UBE2L6: variants seen among roughly 807,000 people sequenced by gnomAD.
The protein encoded by UBE2L6 is ubiquitin conjugating enzyme E2 L6, also known as ubiquitin/ISG15-conjugating enzyme E2 L6.
UBE2L6 carries 11 observed loss-of-function variants against 13.6 expected under a neutral mutation model. The ratio of observed to expected loss-of-function variants is 0.81; its 90% CI spans 0.51 to 1.34. The LOEUF is 1.34. UBE2L6 is among the 40% of genes most tolerant of loss of function. UBE2L6 has a pLI of 0.00. For missense variants in UBE2L6, 197 were observed against 199.5 expected (o/e 0.99, Z 0.07); for synonymous variants, 74 against 83.2 (o/e 0.89, Z 0.60).
intron 1 of UBE2L6, among the ~76,000 whole-genome samples, chr11:57,562,576 G>A (rs1031860374): frequency 5.3e-5 from 8 of 152,370 alleles, no homozygotes; most frequent in Non-Finnish European, 1.2e-4. Flanking sequence ...CAATTCTGGT[G>A]ACCATGGGGA....
intron 2 of UBE2L6, 65 bp from the exon 3 acceptor site, chr11:57,554,688 G>T: frequency 1.3e-6 from 2 of 1,573,804 alleles, no homozygotes; most frequent in South Asian, 1.1e-5. Flanking sequence ...CCAATCCGAG[G>T]GTCCTAGGCA....
At chr11:57,558,251 G>C (rs1945012243) in intron 2 of UBE2L6, among the ~76,000 whole-genome samples, 1 of 151,962 alleles carries the variant, frequency 6.6e-6, no homozygotes, top group South Asian at 2.1e-4. Context: ...GCTAATTTTT[G>C]TATTTTTACT....
rs571747081 is a variant in UBE2L6 at position 57,553,955 on chromosome 11, G to A, written c.310+482C>T. ...CACCTCTCACATGCCTCAGATGTCC[G>A]GGTCTACTAAACAACACTACCTCAC... is the stretch of plus-strand genomic sequence containing the variant. On this transcript the variant is annotated intron_variant, in intron 3 of 3. Transcript: ENST00000287156. Among the ~76,000 whole-genome samples, 5 of 152,298 alleles carry A rather than the reference G, an allele frequency of 3.3e-5. No homozygotes were observed. In the South Asian group the frequency reaches 6.2e-4, roughly 19 times the overall value.
chr11:57,554,322 C>T, intron 3 of UBE2L6, 115 bp downstream of exon 3: 4 of 1,311,160 alleles, frequency 3.1e-6, no homozygotes, highest in Middle Eastern at 2.7e-4. Flanking sequence ...AGCCAAGACT[C>T]ACAATTTTTA....
Position 57,552,260 on chromosome 11 carries a change from T to A in UBE2L6, c.*98A>T. On this transcript the variant is annotated 3_prime_UTR_variant, in exon 4 of 4. Coordinates refer to ENST00000287156, the MANE Select transcript of UBE2L6 (RefSeq NM_004223.5). The stretch of plus-strand genomic sequence containing the variant: ...GACTAACAACCTAAGAAGGGAAAAA[T>A]GAATGGGGAATGGGCCACAGGGGGC... 1 of 1,504,396 alleles carries A rather than the reference T, an allele frequency of 6.6e-7. No individual in the cohort carries two copies. 93.2% of individuals were successfully genotyped at this position (1,504,396 alleles called of 1,614,324 possible).
chr11:57,562,158 A>G (rs1208917950), intron 1 of UBE2L6, among the ~76,000 whole-genome samples: 1 of 152,218 alleles, frequency 6.6e-6, no homozygotes, highest in Non-Finnish European at 1.5e-5. Context: ...TTTGGGCCTT[A>G]GGCGAACATC....
Position 57,554,432 on chromosome 11 carries a change from C to T in UBE2L6, c.310+5G>A. The T allele has an allele frequency of 6.2e-7, 1 of 1,613,140 alleles. No homozygotes were observed. The highest frequency in any genetic ancestry group is 8.5e-7 in the Non-Finnish European group (1 of 1,179,332). On this transcript the variant is annotated splice_donor_5th_base_variant and intron_variant, in intron 3 of 3. Coordinates refer to ENST00000287156, the MANE Select transcript of UBE2L6 (RefSeq NM_004223.5). Reference sequence around the variant, plus strand: ...GTCCCTCCTCCAAGCAAAGCCCAACCCCACCTTGGCAAGTCTTGGTGCAAG... The same window carrying T: ...GTCCCTCCTCCAAGCAAAGCCCAACTCCACCTTGGCAAGTCTTGGTGCAAG...
In UBE2L6 at chr11:57,551,975, CT is replaced by C. The variant is rs1944962232; in HGVS notation, c.*382del. 4.9e-6 allele frequency: 1 copy of C among 202,566 alleles called. No individual in the cohort carries two copies. The highest frequency in any genetic ancestry group is 1.0e-5 in the Non-Finnish European group (1 of 99,828). 12.5% of individuals were successfully genotyped at this position (202,566 alleles called of 1,614,324 possible). On this transcript the variant is annotated 3_prime_UTR_variant, in exon 4 of 4. Coordinates refer to ENST00000287156, the MANE Select transcript of UBE2L6 (RefSeq NM_004223.5). Reference sequence around the variant, plus strand: ...CCATATGCTCCACTGTCCCCAGGCCCTCAGTGCCTGAGCCCTAGGGGGATTC... The same window carrying C: ...CCATATGCTCCACTGTCCCCAGGCCCCAGTGCCTGAGCCCTAGGGGGATTC...
At chr11:57,562,157 T>C (rs1244219045) in intron 1 of UBE2L6, among the ~76,000 whole-genome samples, 1 of 152,194 alleles carries the variant, frequency 6.6e-6, no homozygotes, top group African/African-American at 2.4e-5. Flanking sequence ...CTTTGGGCCT[T>C]AGGCGAACAT....
chr11:57,552,902 CT>C (rs1472608150), intron 3 of UBE2L6, among the ~76,000 whole-genome samples: 1 of 152,234 alleles, frequency 6.6e-6, no homozygotes, highest in Non-Finnish European at 1.5e-5. Context: ...CCACTGCCCC[CT>C]GGCTCTTCAT....
At chr11:57,567,441 G>A in intron 1 of UBE2L6, 144 bp downstream of exon 1, 1 of 1,197,530 alleles carries the variant, frequency 8.4e-7, no homozygotes. Context: ...CTGAGTAGAG[G>A]GCGGGGAGGA....
intron 2 of UBE2L6, among the ~76,000 whole-genome samples, chr11:57,559,831 C>T (rs1945024884): frequency 6.6e-6 from 1 of 152,086 alleles, no homozygotes; most frequent in Non-Finnish European, 1.5e-5. Flanking sequence ...TTCAGAGAGA[C>T]TTTATCAAGA....
Position 57,565,356 on chromosome 11 carries a change from G to GTT in UBE2L6, c.27+2227_27+2228dup, listed in dbSNP as rs370848897. On this transcript the variant is annotated intron_variant, in intron 1 of 3. Transcript: ENST00000287156. ...TTAAAGTATACAGTTTGTATTAGTT[G>GTT]TTTTTTTTTTTTTTTTTTTTTTTTT... is the stretch of plus-strand genomic sequence containing the variant. 4.2e-3 allele frequency among the ~76,000 whole-genome samples: 413 copies of GTT among 98,188 alleles called. 43 individuals are homozygous for GTT. Among genetic ancestry groups the GTT allele is most frequent in the East Asian group, 1.0e-2 (24 of 2,410 alleles). The allele number at this position is 98,188 out of a possible 152,430, so 64.4% of individuals were successfully genotyped here.
intron 2 of UBE2L6, among the ~76,000 whole-genome samples, chr11:57,556,901 C>G (rs1166145778): frequency 6.6e-6 from 1 of 151,914 alleles, no homozygotes; most frequent in African/African-American, 2.4e-5. Flanking sequence ...GCCTGGGCAA[C>G]ATGATAAAAC....
chr11:57,565,738 A>G (rs1184258333), intron 1 of UBE2L6, among the ~76,000 whole-genome samples: 2 of 152,172 alleles, frequency 1.3e-5, no homozygotes, highest in Non-Finnish European at 2.9e-5. Flanking sequence ...ATAACAGGTT[A>G]TAAGATATTA....
chr11:57,552,498 G>A lies in UBE2L6; in HGVS notation c.322C>T (p.Leu108Phe). Residue 108 changes from leucine (L) to phenylalanine (F), a missense_variant, in exon 4 of 4, where the codon CTC becomes TTC. Leu to Phe is a conservative substitution (Grantham distance 22). Transcript: ENST00000287156. ...CTKTCQVLEA[L>F]NVLVNRPNIR... is the part of the protein sequence containing the mutation. Reference sequence around the variant, plus strand: ...TTCGGTCTATTCACCAGCACATTGAGGGCCTCCAGGACTGGGGAGAGACAG... The same window carrying A: ...TTCGGTCTATTCACCAGCACATTGAAGGCCTCCAGGACTGGGGAGAGACAG... 1 of 1,614,172 alleles carries A rather than the reference G, an allele frequency of 6.2e-7. No homozygotes were observed. Among genetic ancestry groups the A allele is most frequent in the Non-Finnish European group, 8.5e-7 (1 of 1,180,020 alleles).
chr11:57,565,009 G>A (rs1945076168), intron 1 of UBE2L6, among the ~76,000 whole-genome samples: 2 of 151,672 alleles, frequency 1.3e-5, no homozygotes, highest in Non-Finnish European at 2.9e-5. Flanking sequence ...TTGGGAGGCT[G>A]AGGTGGGTGG....
chr11:57,554,754 T>C (rs1184388184), intron 2 of UBE2L6, 131 bp from the exon 3 acceptor site: 1 of 944,030 alleles, frequency 1.1e-6, no homozygotes, highest in Non-Finnish European at 1.6e-6. Context: ...AGCACCTGCA[T>C]TCATTTGACA....
rs773004336 is a variant in UBE2L6 at position 57,554,561 on chromosome 11, C to T, written c.186G>A (p.Pro62=). ...NLRISFPPEY[P]FKPPMIKFTT... ...TGAATTTGATCATGGGAGGCTTGAACGGATACTCCGGCGGGAAGCTGATGC... is the reference window on the plus strand; with the variant it reads ...TGAATTTGATCATGGGAGGCTTGAATGGATACTCCGGCGGGAAGCTGATGC... Residue 62 remains proline, a synonymous_variant, in exon 3 of 4, where the codon CCG becomes CCA. Transcript: ENST00000287156. 1.5e-5 allele frequency: 25 copies of T among 1,613,952 alleles called. 1 individual carries two copies. The highest frequency in any genetic ancestry group is 8.3e-5 in the Admixed American group (5 of 59,990).
Sources: allele counts gnomAD v4.1 joint callset (sites outside exome capture counted in the v4.1 genomes callset), GRCh38; gene constraint gnomAD v4.1.1; transcripts MANE v1.5; gene names NCBI Gene and HGNC (gene_info 2026-07-23, HGNC 2026-07-21).